The following PPM1H variants were observed in gnomAD, a reference collection of about 807,000 sequenced individuals.
PPM1H encodes protein phosphatase 1H.
PPM1H carries 27 observed loss-of-function variants against 54.9 expected under a neutral mutation model. The ratio of observed to expected loss-of-function variants is 0.49; its 90% CI spans 0.36 to 0.68. The LOEUF (loss-of-function observed/expected upper bound fraction) is 0.68, where lower values mean the gene tolerates loss of function less well. PPM1H is among the 30% of genes least tolerant of loss of function. The pLI, the probability that PPM1H is intolerant of heterozygous loss-of-function variation, is 0.00. For synonymous variants in PPM1H, 305 were observed against 270.8 expected (o/e 1.13, Z -1.24); for missense variants, 596 against 667.8 (o/e 0.89, Z 1.19).
At chr12:62,910,702 C>T (rs1871427721) in intron 1 of PPM1H, among the ~76,000 whole-genome samples, 1 of 152,140 alleles carries the variant, frequency 6.6e-6, no homozygotes, top group South Asian at 2.1e-4. Context: ...AGCGATATCT[C>T]TTGATAAGAA....
chr12:62,922,581 G>C (rs1051789137), intron 1 of PPM1H, among the ~76,000 whole-genome samples: 2 of 152,164 alleles, frequency 1.3e-5, no homozygotes, highest in East Asian at 3.8e-4. Context: ...AAATATGAGA[G>C]CATAAAGTCC....
chr12:62,870,627 C>T (rs187224058), intron 1 of PPM1H, among the ~76,000 whole-genome samples: 19 of 152,182 alleles, frequency 1.2e-4, no homozygotes, highest in African/African-American at 3.1e-4. Flanking sequence ...CTGGCTTTGT[C>T]GACAGGACAG....
intron 1 of PPM1H, among the ~76,000 whole-genome samples, chr12:62,880,514 T>C (rs1030470480): frequency 6.6e-6 from 1 of 152,186 alleles, no homozygotes; most frequent in Non-Finnish European, 1.5e-5. Flanking sequence ...TGCACACTTA[T>C]ACACTTGAGG....
chr12:62,773,855 G>C (rs1046278449), intron 4 of PPM1H, among the ~76,000 whole-genome samples: 5 of 152,146 alleles, frequency 3.3e-5, no homozygotes, highest in African/African-American at 1.2e-4. Flanking sequence ...AGCTCTCAGG[G>C]GGAACCAAGT....
At chr12:62,727,695 C>T (rs1377030865) in intron 5 of PPM1H, among the ~76,000 whole-genome samples, 3 of 138,964 alleles carry the variant, frequency 2.2e-5, no homozygotes, top group African/African-American at 7.6e-5. Flanking sequence ...GATTCTCACT[C>T]TGTTGCCCAG....
At chr12:62,827,131 T>G (rs1868299892) in intron 2 of PPM1H, among the ~76,000 whole-genome samples, 1 of 152,200 alleles carries the variant, frequency 6.6e-6, no homozygotes, top group Non-Finnish European at 1.5e-5. Context: ...CTCCAAACCC[T>G]TATTTCTAAT....
intron 4 of PPM1H, among the ~76,000 whole-genome samples, chr12:62,745,496 G>C (rs2076405353): frequency 6.6e-6 from 1 of 152,200 alleles, no homozygotes; most frequent in Admixed American, 6.5e-5. Flanking sequence ...CCTGAATGCT[G>C]ATTCATCTTT....
At chr12:62,814,448 C>T (rs2076853831) in intron 2 of PPM1H, among the ~76,000 whole-genome samples, 1 of 152,038 alleles carries the variant, frequency 6.6e-6, no homozygotes, top group African/African-American at 2.4e-5. Context: ...AAACTCCTGG[C>T]CTCAAGTGAC....
chr12:62,852,691 G>C (rs992869377), intron 1 of PPM1H, among the ~76,000 whole-genome samples: 1 of 152,204 alleles, frequency 6.6e-6, no homozygotes, highest in African/African-American at 2.4e-5. Context: ...TGTCAAAAGA[G>C]TGGTTACGTG....
chr12:62,793,797 C>A (rs1398045328), intron 3 of PPM1H, among the ~76,000 whole-genome samples: 2 of 146,244 alleles, frequency 1.4e-5, no homozygotes, highest in Non-Finnish European at 3.0e-5. Context: ...GAGACTAATT[C>A]AGCAGGAAAG....
chr12:62,755,046 G>T (rs1241891584), intron 4 of PPM1H, among the ~76,000 whole-genome samples: 1 of 152,214 alleles, frequency 6.6e-6, no homozygotes, highest in Non-Finnish European at 1.5e-5. Flanking sequence ...AGGCCAAGGA[G>T]CGACCTGGAT....
intron 3 of PPM1H, among the ~76,000 whole-genome samples, chr12:62,799,279 C>G (rs922057300): frequency 6.6e-6 from 1 of 152,174 alleles, no homozygotes; most frequent in Non-Finnish European, 1.5e-5. Context: ...CAGGAACAGC[C>G]TGAGACCCCT....
intron 4 of PPM1H, among the ~76,000 whole-genome samples, 161 bp from the exon 5 acceptor site, chr12:62,737,747 A>G (rs2076358521): frequency 6.6e-6 from 1 of 152,100 alleles, no homozygotes; most frequent in African/African-American, 2.4e-5. Context: ...ATCCCTCACC[A>G]CATGAGAGGC....
At position 62,894,761 on chromosome 12, in the gene PPM1H, G is replaced by A. The variant is rs625256; in HGVS notation, c.245+39731C>T. Among the ~76,000 whole-genome samples the A allele has an allele frequency of 9.0e-3, 1,375 of 152,258 alleles. 20 individuals are homozygous for A. The highest frequency in any genetic ancestry group is 0.031 in the African/African-American group (1,299 of 41,554). On this transcript the variant is annotated intron_variant, in intron 1 of 9. Coordinates refer to ENST00000228705, the MANE Select transcript of PPM1H (RefSeq NM_020700.2). ...CATAAGTTCAAATTTGCTAGGCGCC[G>A]TGGCTCACGCCTTTAATCTCCACAT...
At chr12:62,724,659 G>A (rs1020393566) in intron 5 of PPM1H, among the ~76,000 whole-genome samples, 1 of 151,822 alleles carries the variant, frequency 6.6e-6, no homozygotes, top group Non-Finnish European at 1.5e-5. Context: ...ATAACAACAG[G>A]GTATGATATT....
At chr12:62,807,089 T>A (rs937871881) in intron 2 of PPM1H, among the ~76,000 whole-genome samples, 1 of 152,086 alleles carries the variant, frequency 6.6e-6, no homozygotes, top group Non-Finnish European at 1.5e-5. Context: ...AATGGGGGCA[T>A]GATGCACGAG....
intron 8 of PPM1H, among the ~76,000 whole-genome samples, chr12:62,681,861 T>A (rs186864887): frequency 2.7e-4 from 41 of 152,346 alleles, no homozygotes; most frequent in African/African-American, 9.6e-4. Context: ...GTGGTTGTAA[T>A]GGAGTAGGAA....
At chr12:62,815,589 G>C (rs958983699) in intron 2 of PPM1H, among the ~76,000 whole-genome samples, 5 of 152,148 alleles carry the variant, frequency 3.3e-5, no homozygotes, top group Non-Finnish European at 5.9e-5. Context: ...CTGAAGTGCA[G>C]TTGCCAATCC....
intron 1 of PPM1H, among the ~76,000 whole-genome samples, chr12:62,879,756 T>TATA (rs560059829): frequency 6.6e-6 from 1 of 151,762 alleles, no homozygotes; most frequent in South Asian, 2.1e-4. Context: ...GAACTTAAAG[T>TATA]ATAATAATAA....
Sources: gnomAD v4.1 joint callset for allele counts (sites outside exome capture counted in the v4.1 genomes callset) on GRCh38, gnomAD v4.1.1 for gene constraint, MANE v1.5 for transcripts, NCBI Gene and HGNC (gene_info 2026-07-23, HGNC 2026-07-21) for gene names.